The following FBXL13 variants were observed in gnomAD, a reference collection of about 807,000 sequenced individuals.
FBXL13 encodes the protein F-box and leucine rich repeat protein 13.
In FBXL13, 67 loss-of-function variants were observed where a neutral mutation model predicts 83.6. The observed-to-expected ratio is 0.80, with a 90% confidence interval of 0.66 to 0.98. The LOEUF (loss-of-function observed/expected upper bound fraction) is 0.98. FBXL13 is among the 50% of genes least tolerant of loss of function. The pLI, the probability that FBXL13 is intolerant of heterozygous loss-of-function variation, is 0.00. For synonymous variants in FBXL13, 272 were observed against 299.5 expected, an observed-to-expected ratio of 0.91 and a Z score of 0.95; for missense variants, 822 against 866.5, an observed-to-expected ratio of 0.95 and a Z score of 0.64.
chr7:102,895,802 C>T (rs1011073736), intron 11 of FBXL13, among the ~76,000 whole-genome samples: 5 of 152,176 alleles, frequency 3.3e-5, no homozygotes, highest in Non-Finnish European at 7.3e-5. Flanking sequence ...TTGTTCTCCC[C>T]ATTAAAACTC....
chr7:103,048,957 A>G (rs1796547797), intron 2 of FBXL13, among the ~76,000 whole-genome samples: 1 of 152,160 alleles, frequency 6.6e-6, no homozygotes, highest in Non-Finnish European at 1.5e-5. Context: ...AGTCTCAATC[A>G]CATGTTATAA....
chr7:102,942,308 C>G (rs764881002), intron 8 of FBXL13: 4 of 1,598,046 alleles, frequency 2.5e-6, no homozygotes, highest in Admixed American at 3.5e-5. Flanking sequence ...AGATGAAACC[C>G]TGCAAGTAGA....
intron 6 of FBXL13, among the ~76,000 whole-genome samples, chr7:103,008,174 A>C (rs1791183432): frequency 6.6e-6 from 1 of 152,236 alleles, no homozygotes; most frequent in South Asian, 2.1e-4. Context: ...ACATAAAACA[A>C]GCCCAAATTG....
chr7:103,002,878 T>C (rs1031207006), intron 6 of FBXL13, among the ~76,000 whole-genome samples: 5 of 152,168 alleles, frequency 3.3e-5, no homozygotes, highest in Admixed American at 1.3e-4. Flanking sequence ...CTTGGGGTAG[T>C]CTTAATTGTG....
At chr7:102,860,687 G>C (rs1806682412) in intron 16 of FBXL13, among the ~76,000 whole-genome samples, 1 of 152,062 alleles carries the variant, frequency 6.6e-6, no homozygotes, top group Admixed American at 6.6e-5. Context: ...CTCTGTGTGT[G>C]TGTGTGTGTG....
chr7:102,850,684 TG>T (rs1488716526), intron 17 of FBXL13, among the ~76,000 whole-genome samples: 1 of 152,232 alleles, frequency 6.6e-6, no homozygotes, highest in Non-Finnish European at 1.5e-5. Context: ...CTAAATGATT[TG>T]TAACCCTTTT....
rs755652219 is a variant in FBXL13 at position 102,934,578 on chromosome 7, C to T, written c.725-2645G>A. The T allele has an allele frequency of 3.2e-5, 52 of 1,613,840 alleles. No homozygotes were observed. The South Asian group carries it at 4.1e-4, about 13-fold the overall frequency. Reference sequence around the variant, plus strand: ...GAAGAAGAAAAGGAACAATTGGACCCGAAACCCCAAGTGTCAGGGAGACCC... The same window carrying T: ...GAAGAAGAAAAGGAACAATTGGACCTGAAACCCCAAGTGTCAGGGAGACCC... On this transcript the variant is annotated intron_variant, in intron 8 of 19. Coordinates refer to ENST00000313221, the Ensembl canonical transcript of FBXL13.
chr7:103,056,973 T>C (rs931903561), intron 1 of FBXL13, among the ~76,000 whole-genome samples: 1 of 152,180 alleles, frequency 6.6e-6, no homozygotes, highest in Non-Finnish European at 1.5e-5. Flanking sequence ...GAGGACTGTG[T>C]ATCCATGTCC....
chr7:102,850,393 C>T (rs1395884659), intron 17 of FBXL13, among the ~76,000 whole-genome samples: 1 of 152,122 alleles, frequency 6.6e-6, no homozygotes, highest in Non-Finnish European at 1.5e-5. Flanking sequence ...ATGTCATCAC[C>T]ATGGTAGGTT....
At chr7:102,948,065 C>CTT (rs545946981) in intron 8 of FBXL13, among the ~76,000 whole-genome samples, 20 of 140,946 alleles carry the variant, frequency 1.4e-4, no homozygotes, top group Admixed American at 7.2e-4. Context: ...TAATGAGGAT[C>CTT]TTTTTTTTTT....
At chr7:102,938,749 G>A (rs1490933693) in intron 8 of FBXL13, among the ~76,000 whole-genome samples, 1 of 152,146 alleles carries the variant, frequency 6.6e-6, no homozygotes, top group African/African-American at 2.4e-5. Flanking sequence ...TCTCATTGAA[G>A]TTCTAAGGTA....
downstream of FBXL13, among the ~76,000 whole-genome samples, chr7:102,812,832 T>C (rs1386190647): frequency 2.0e-5 from 3 of 151,578 alleles, no homozygotes; most frequent in Non-Finnish European, 4.4e-5. Flanking sequence ...CAGTACTTGA[T>C]TTGGCTTCTT....
intron 16 of FBXL13, among the ~76,000 whole-genome samples, chr7:102,861,986 A>AAAAAAAG (rs1335715268): frequency 1.3e-5 from 2 of 151,608 alleles, no homozygotes; most frequent in East Asian, 1.9e-4. Context: ...TGTCTCCAAA[A>AAAAAAAG]AAAAAAAAAA....
At chr7:103,038,936 G>A (rs142800460) in intron 2 of FBXL13, among the ~76,000 whole-genome samples, 5 of 152,284 alleles carry the variant, frequency 3.3e-5, no homozygotes, top group East Asian at 3.9e-4. Context: ...GCAGCTCCTC[G>A]CCAGCAAGGG....
chr7:103,063,136 AG>A (rs1258376030), intron 1 of FBXL13, among the ~76,000 whole-genome samples: 1 of 152,218 alleles, frequency 6.6e-6, no homozygotes, highest in East Asian at 1.9e-4. Context: ...GGGCAAGAAT[AG>A]TATAACGGAG....
chr7:103,029,050 C>A (rs1312907668), intron 3 of FBXL13, among the ~76,000 whole-genome samples: 1 of 151,944 alleles, frequency 6.6e-6, no homozygotes, highest in Non-Finnish European at 1.5e-5. Context: ...TAAAAGGAAT[C>A]TAAATTCCAC....
intron 6 of FBXL13, among the ~76,000 whole-genome samples, chr7:102,994,999 T>A (rs950835569): frequency 2.6e-5 from 4 of 152,172 alleles, no homozygotes; most frequent in African/African-American, 9.7e-5. Context: ...GATTCGCACA[T>A]AAAATTTCTC....
chr7:102,825,692 G>A (rs1365763095), intron 18 of FBXL13, among the ~76,000 whole-genome samples: 2 of 152,048 alleles, frequency 1.3e-5, no homozygotes. Context: ...CTGACCCCCT[G>A]CCAACCACTG....
At chr7:103,041,089 A>G (rs1294135701) in intron 2 of FBXL13, among the ~76,000 whole-genome samples, 1 of 152,192 alleles carries the variant, frequency 6.6e-6, no homozygotes, top group African/African-American at 2.4e-5. Context: ...CAAGACTAAT[A>G]AAGAAGAAAA....
Sources: allele counts gnomAD v4.1 joint callset (sites outside exome capture counted in the v4.1 genomes callset), GRCh38; gene constraint gnomAD v4.1.1; transcripts MANE v1.5; gene names NCBI Gene and HGNC (gene_info 2026-07-23, HGNC 2026-07-21).